The following CSTL1 variants were observed in gnomAD, a reference collection of about 807,000 sequenced individuals.
The protein encoded by CSTL1 is cystatin like 1, also known as cystatin-like 1.
CSTL1 carries 14 observed loss-of-function variants against 14.4 expected under a neutral mutation model. The ratio of observed to expected loss-of-function variants is 0.97; its 90% CI spans 0.64 to 1.52. The LOEUF (loss-of-function observed/expected upper bound fraction) is 1.52. CSTL1 is among the 40% of genes most tolerant of loss of function. CSTL1 has a pLI of 0.00. For synonymous variants in CSTL1, 72 were observed against 67.5 expected (o/e 1.07, Z -0.33); for missense variants, 170 against 168.7 (o/e 1.01, Z -0.04).
At chr20:23,455,658 T>C in the CSTL1 span, among the ~76,000 whole-genome samples, 22 of 152,318 alleles carry the variant, frequency 1.4e-4, no homozygotes, top group Non-Finnish European at 2.9e-4. Context: ...CCATGGGCCT[T>C]CACTTGTGTC....
At chr20:23,457,753 C>T in the CSTL1 span, 2 of 152,184 alleles carry the variant, frequency 1.3e-5, no homozygotes, top group African/African-American at 4.8e-5. Flanking sequence ...ATTCAATGCT[C>T]CCGTAGAGGT....
At chr20:23,448,911 G>C (rs144372816), downstream of CSTL1, among the ~76,000 whole-genome samples, 172 of 152,308 alleles carry the variant, frequency 1.1e-3, 1 homozygote, top group African/African-American at 3.2e-3. Flanking sequence ...GCCTCAAGGA[G>C]TAGGTACTGT....
downstream of CSTL1, among the ~76,000 whole-genome samples, chr20:23,449,525 C>A (rs1987032071): frequency 6.6e-6 from 1 of 152,166 alleles, no homozygotes; most frequent in African/African-American, 2.4e-5. Flanking sequence ...CCCTTTCTTA[C>A]TGGATGTGAA....
downstream of CSTL1, among the ~76,000 whole-genome samples, chr20:23,447,967 G>T (rs1987001191): frequency 6.6e-6 from 1 of 151,840 alleles, no homozygotes; most frequent in South Asian, 2.1e-4. Context: ...TATTTATATG[G>T]TCTAATTGTA....
chr20:23,446,450 G>C (rs149868825), downstream of CSTL1, among the ~76,000 whole-genome samples: 63 of 152,088 alleles, frequency 4.1e-4, no homozygotes, highest in African/African-American at 1.5e-3. Context: ...TAGAGACAGG[G>C]TTTCACCATG....
At chr20:23,440,541 CAT>C (rs1419906411) in intron 2 of CSTL1, 55 bp downstream of exon 2, 3 of 1,349,350 alleles carry the variant, frequency 2.2e-6, no homozygotes, top group Non-Finnish European at 3.2e-6. Context: ...CCAGTTCAGA[CAT>C]GTGAGGATTC....
In CSTL1 at chr20:23,440,183, A is replaced by T; in HGVS notation, c.-85A>T. The T allele has an allele frequency of 7.1e-7, 1 of 1,406,136 alleles. No homozygotes were observed. Among genetic ancestry groups the T allele is most frequent in the Non-Finnish European group, 1.0e-6 (1 of 1,000,456 alleles). The allele number at this position is 1,406,136 out of a possible 1,614,324, so 87.1% of individuals were successfully genotyped here. Reference sequence around the variant, plus strand: ...AGGAAAGCCTATGTTGGTGAGGGTTATGATGGGAGAATGAGTGAACTGCAG... The same window carrying T: ...AGGAAAGCCTATGTTGGTGAGGGTTTTGATGGGAGAATGAGTGAACTGCAG... On this transcript the variant is annotated 5_prime_UTR_variant, in exon 2 of 4. The change abolishes an upstream ATG in the 5' untranslated region. Transcript: ENST00000347397.
At chr20:23,455,835 T>A in the CSTL1 span, among the ~76,000 whole-genome samples, 1 of 152,228 alleles carries the variant, frequency 6.6e-6, no homozygotes, top group Non-Finnish European at 1.5e-5. Flanking sequence ...TCTCTTCCTG[T>A]CGCCCACTTG....
At chr20:23,444,306 G>T (rs1405433564) in intron 3 of CSTL1, among the ~76,000 whole-genome samples, 2 of 152,224 alleles carry the variant, frequency 1.3e-5, no homozygotes, top group Admixed American at 6.5e-5. Flanking sequence ...GAAAGCAGTG[G>T]TTCCCTTTCC....
the CSTL1 span, chr20:23,459,389 A>G: frequency 6.6e-6 from 1 of 152,202 alleles, no homozygotes; most frequent in Admixed American, 6.5e-5. Context: ...AATAGTTCTC[A>G]TTCATGCTAA....
At chr20:23,454,177 A>G in the CSTL1 span, among the ~76,000 whole-genome samples, 1 of 151,724 alleles carries the variant, frequency 6.6e-6, no homozygotes, top group South Asian at 2.1e-4. Context: ...ACACACATCT[A>G]CACATACACA....
downstream of CSTL1, among the ~76,000 whole-genome samples, chr20:23,446,422 A>T (rs1228507933): frequency 6.6e-6 from 1 of 151,740 alleles, no homozygotes; most frequent in African/African-American, 2.4e-5. Context: ...CGCCCAGCTA[A>T]TTTTTTTGTA....
At chr20:23,452,509 G>A in the CSTL1 span, 1 of 894,788 alleles carries the variant, frequency 1.1e-6, no homozygotes, top group East Asian at 2.4e-5. Context: ...CCTTGAGTGG[G>A]ACTATTCCTG....
downstream of CSTL1, among the ~76,000 whole-genome samples, chr20:23,446,617 T>G (rs1986972735): frequency 6.6e-6 from 1 of 152,234 alleles, no homozygotes; most frequent in Non-Finnish European, 1.5e-5. Context: ...TTCTGCACAC[T>G]GAGTCATTGA....
At chr20:23,441,236 T>G (rs989824969) in intron 2 of CSTL1, among the ~76,000 whole-genome samples, 1 of 152,174 alleles carries the variant, frequency 6.6e-6, no homozygotes, top group South Asian at 2.1e-4. Context: ...CAAAACTGGG[T>G]GTTCTGTGTT....
chr20:23,443,767 TCCCTCCAG>T (rs1986895329), intron 2 of CSTL1, among the ~76,000 whole-genome samples, 159 bp from the exon 3 acceptor site: 1 of 152,112 alleles, frequency 6.6e-6, no homozygotes, highest in Admixed American at 6.5e-5. Context: ...GCCATTGCCC[TCCCTCCAG>T]CCAGAAGTAA....
Position 23,440,434 on chromosome 20 carries a change from G to C in CSTL1, c.167G>C (p.Ser56Thr). The stretch of plus-strand genomic sequence containing the variant: ...TTCATTCAATCCTACAACAATGCCA[G>C]CAACGACACCTACTTATATCGAGTC... ...NFFIQSYNNASNDTYLYRVQR... is the reference protein window; with the variant it reads ...NFFIQSYNNATNDTYLYRVQR... The change falls in exon 2 of 4, where the codon AGC becomes ACC. Residue 56 changes from serine to threonine, a missense_variant. Coordinates refer to ENST00000347397, the MANE Select transcript of CSTL1 (RefSeq NM_138283.1). The C allele has an allele frequency of 2.5e-6, 4 of 1,614,170 alleles. No individual in the cohort carries two copies. The highest frequency in any genetic ancestry group is 3.4e-6 in the Non-Finnish European group (4 of 1,180,012).
chr20:23,460,680 T>G, the CSTL1 span, among the ~76,000 whole-genome samples: 1 of 152,122 alleles, frequency 6.6e-6, no homozygotes, highest in Non-Finnish European at 1.5e-5. Flanking sequence ...GCCCGCAGTT[T>G]TCACATAAAC....
downstream of CSTL1, among the ~76,000 whole-genome samples, chr20:23,446,269 T>G (rs1986964986): frequency 1.3e-5 from 2 of 151,976 alleles, no homozygotes; most frequent in Admixed American, 1.3e-4. Context: ...TTTTTTTCTT[T>G]TTTTTGAGAC....
Sources: allele counts gnomAD v4.1 joint callset (sites outside exome capture counted in the v4.1 genomes callset), GRCh38; gene constraint gnomAD v4.1.1; transcripts MANE v1.5; gene names NCBI Gene and HGNC (gene_info 2026-07-23, HGNC 2026-07-21).